CPB2: variants seen among roughly 807,000 people sequenced by gnomAD.
The protein encoded by CPB2 is carboxypeptidase B2.
In CPB2, 54 loss-of-function variants were observed where a neutral mutation model predicts 57.0. The observed-to-expected ratio is 0.95, with a 90% CI of 0.76 to 1.19. CPB2 has a LOEUF of 1.19. Ranked by LOEUF, CPB2 falls within the 50% of genes most tolerant of loss-of-function variation. CPB2 has a pLI of 0.00. For missense variants in CPB2, 426 were observed against 512.0 expected, an observed-to-expected ratio of 0.83 and a Z score of 1.62; for synonymous variants, 189 against 178.1, an observed-to-expected ratio of 1.06 and a Z score of -0.49.
intron 4 of CPB2, among the ~76,000 whole-genome samples, chr13:46,081,364 T>C (rs2045113741): frequency 6.6e-6 from 1 of 152,192 alleles, no homozygotes; most frequent in Non-Finnish European, 1.5e-5. Context: ...CAGTTTCACC[T>C]TTTATGAAGG....
chr13:46,087,356 C>T (rs1479268272), intron 2 of CPB2, among the ~76,000 whole-genome samples: 2 of 152,250 alleles, frequency 1.3e-5, no homozygotes, highest in Non-Finnish European at 2.9e-5. Context: ...TTTTCTACAT[C>T]TTAGACATTA....
rs569279671 is a variant in CPB2 at position 46,066,689 on chromosome 13, A to AT, written c.702+617_702+618insA. On this transcript the variant is annotated intron_variant, in intron 7 of 10. Transcript: ENST00000181383. Reference sequence around the variant, plus strand: ...GAAACCCTGTCTCTACTAAAAATACAAAAAGCTTAGCCAGGCATGGTGGCA... The same window carrying AT: ...GAAACCCTGTCTCTACTAAAAATACATAAAAGCTTAGCCAGGCATGGTGGCA... Among the ~76,000 whole-genome samples the AT allele has an allele frequency of 4.0e-3, 614 of 152,122 alleles. 4 individuals are homozygous for AT. The highest frequency in any genetic ancestry group is 0.014 in the African/African-American group (593 of 41,506).
chr13:46,079,535 C>CAAAAAA (rs58164990), intron 4 of CPB2, among the ~76,000 whole-genome samples: 61 of 110,952 alleles, frequency 5.5e-4, no homozygotes, highest in South Asian at 1.8e-3. Context: ...AAGGAAAAAG[C>CAAAAAA]AAAAAAAAAA....
chr13:46,094,592 C>T (rs560288474), intron 1 of CPB2, among the ~76,000 whole-genome samples: 24 of 152,156 alleles, frequency 1.6e-4, no homozygotes, highest in African/African-American at 5.3e-4. Context: ...AGAAGCCAGG[C>T]GGGAGGGCTT....
chr13:46,102,559 A>T (rs2045448958), intron 1 of CPB2, among the ~76,000 whole-genome samples: 1 of 146,526 alleles, frequency 6.8e-6, no homozygotes, highest in Non-Finnish European at 1.5e-5. Flanking sequence ...AAAAAAAAAC[A>T]AAGAACAGCT....
chr13:46,055,662 C>T, intron 10 of CPB2, 100 bp downstream of exon 10: 1 of 598,916 alleles, frequency 1.7e-6, no homozygotes, highest in Non-Finnish European at 2.9e-6. Flanking sequence ...TACATGTGAC[C>T]CTATTTAATT....
At chr13:46,063,083 G>A (rs575489022) in intron 8 of CPB2, among the ~76,000 whole-genome samples, 26 of 152,276 alleles carry the variant, frequency 1.7e-4, no homozygotes, top group Admixed American at 5.2e-4. Flanking sequence ...TATTTTCGTA[G>A]CTGTTTCTGA....
intron 1 of CPB2, among the ~76,000 whole-genome samples, chr13:46,104,216 G>A (rs1474830000): frequency 6.6e-6 from 1 of 152,078 alleles, no homozygotes; most frequent in African/African-American, 2.4e-5. Context: ...ATAATTGGAG[G>A]AGAAAGCGAT....
rs1465119175 is a variant in CPB2, at chr13:46,064,871, A to G, written c.703-130T>C. The stretch of plus-strand genomic sequence containing the variant: ...TCAATCCCATACCTTGCATGGCTTC[A>G]TCACATCACTGTTGTTGCAATATTC... On this transcript the variant is annotated intron_variant, in intron 7 of 10. Transcript: ENST00000181383. 8 of 680,452 alleles carry G rather than the reference A, an allele frequency of 1.2e-5. No individual in the cohort carries two copies. In the East Asian group the frequency reaches 2.2e-4, roughly 19 times the overall value. 42.2% of individuals were successfully genotyped at this position (680,452 alleles called of 1,614,324 possible).
chr13:46,055,894 A>G (rs2044691219), intron 9 of CPB2, 45 bp from the exon 10 acceptor site: 1 of 1,114,314 alleles, frequency 9.0e-7, no homozygotes, highest in Non-Finnish European at 1.3e-6. Context: ...TGCAGCTTTG[A>G]AACATGACAA....
intron 9 of CPB2, 127 bp downstream of exon 9, chr13:46,058,052 C>A: frequency 1.4e-6 from 1 of 733,200 alleles, no homozygotes. Context: ...AACAGGATCA[C>A]ACCATGATTT....
At chr13:46,079,107 A>G (rs780545854) in intron 4 of CPB2, among the ~76,000 whole-genome samples, 2 of 152,242 alleles carry the variant, frequency 1.3e-5, no homozygotes, top group Non-Finnish European at 2.9e-5. Context: ...GGTTTTGAGA[A>G]AGAGTGAAAA....
intron 1 of CPB2, among the ~76,000 whole-genome samples, chr13:46,098,048 G>T (rs2045389960): frequency 6.6e-6 from 1 of 152,204 alleles, no homozygotes; most frequent in Non-Finnish European, 1.5e-5. Flanking sequence ...GGACATTGAG[G>T]GCTGCACTTA....
intron 3 of CPB2, among the ~76,000 whole-genome samples, chr13:46,083,468 C>T (rs1169674880): frequency 1.3e-5 from 2 of 152,020 alleles, no homozygotes; most frequent in Non-Finnish European, 2.9e-5. Flanking sequence ...AGCATATTAT[C>T]CAGGGGGCAC....
intron 7 of CPB2, 118 bp downstream of exon 7, chr13:46,067,189 T>A (rs1593889767): frequency 1.9e-6 from 1 of 514,676 alleles, no homozygotes; most frequent in Non-Finnish European, 3.5e-6. Flanking sequence ...CAATAAAAGT[T>A]AAAAAAAATT....
intron 1 of CPB2, 84 bp downstream of exon 1, chr13:46,104,852 C>A: frequency 6.6e-7 from 1 of 1,517,496 alleles, no homozygotes; most frequent in East Asian, 2.3e-5. Flanking sequence ...TTTTGTCCAC[C>A]AGCTCAGTGC....
intron 2 of CPB2, among the ~76,000 whole-genome samples, chr13:46,087,371 G>A (rs149912115): frequency 1.1e-3 from 172 of 152,352 alleles, no homozygotes; most frequent in African/African-American, 4.1e-3. Flanking sequence ...ACATTATGTC[G>A]AGATGGGTGC....
intron 4 of CPB2, among the ~76,000 whole-genome samples, chr13:46,081,703 G>T (rs2045120986): frequency 6.6e-6 from 1 of 152,112 alleles, no homozygotes; most frequent in Admixed American, 6.5e-5. Flanking sequence ...GTTATATTAG[G>T]CAATATAGCT....
chr13:46,056,506 C>T (rs7989892), intron 9 of CPB2, among the ~76,000 whole-genome samples: 119,827 of 152,162 alleles, frequency 0.79, 47,535 homozygotes, highest in African/African-American at 0.87. Flanking sequence ...TATACACTGT[C>T]ACCTTCTTGA....
Sources: allele counts gnomAD v4.1 joint callset (sites outside exome capture counted in the v4.1 genomes callset), GRCh38; gene constraint gnomAD v4.1.1; transcripts MANE v1.5; gene names NCBI Gene and HGNC (gene_info 2026-07-23, HGNC 2026-07-21).